The following CAPZB variants were observed in gnomAD, a reference collection of about 807,000 sequenced individuals.
The protein encoded by CAPZB is capping actin protein of muscle Z-line subunit beta.
CAPZB carries 2 observed loss-of-function variants against 38.1 expected under a neutral mutation model. The observed-to-expected ratio is 0.05, with a 90% confidence interval of 0.02 to 0.17. CAPZB has a LOEUF of 0.17. Ranked by LOEUF, CAPZB falls within the 10% of genes least tolerant of loss-of-function variation. CAPZB has a pLI of 1.00. For missense variants in CAPZB, 161 were observed against 334.2 expected (o/e 0.48, Z 4.04); for synonymous variants, 107 against 127.4 (o/e 0.84, Z 1.08).
intron 1 of CAPZB, among the ~76,000 whole-genome samples, chr1:19,453,293 A>G (rs891182808): frequency 6.6e-6 from 1 of 151,864 alleles, no homozygotes; most frequent in Non-Finnish European, 1.5e-5. Context: ...TTGGGGTCTC[A>G]CTTTGTCGCC....
At chr1:19,354,171 T>C (rs2094007518) in intron 6 of CAPZB, among the ~76,000 whole-genome samples, 1 of 152,240 alleles carries the variant, frequency 6.6e-6, no homozygotes, top group African/African-American at 2.4e-5. Context: ...AGTTTGAACT[T>C]CAGTTTCCTC....
chr1:19,382,709 C>A (rs1220571558), intron 3 of CAPZB, among the ~76,000 whole-genome samples: 1 of 152,184 alleles, frequency 6.6e-6, no homozygotes, highest in Non-Finnish European at 1.5e-5. Context: ...TCCCGCAGAG[C>A]CTGGCCTAGC....
chr1:19,466,910 T>G (rs1414047429), intron 1 of CAPZB, among the ~76,000 whole-genome samples: 3 of 152,254 alleles, frequency 2.0e-5, no homozygotes, highest in East Asian at 1.9e-4. Flanking sequence ...AGTTTTTTGT[T>G]TTTGTTTTTG....
chr1:19,401,014 A>G (rs1265778745), intron 2 of CAPZB, among the ~76,000 whole-genome samples: 2 of 152,176 alleles, frequency 1.3e-5, no homozygotes, highest in Non-Finnish European at 2.9e-5. Flanking sequence ...TGGAACCAAA[A>G]TGATACTCCA....
intron 4 of CAPZB, among the ~76,000 whole-genome samples, chr1:19,373,635 C>T (rs1187286911): frequency 2.6e-4 from 40 of 152,060 alleles, no homozygotes; most frequent in Non-Finnish European, 4.4e-5. Flanking sequence ...GTCTCTGGAC[C>T]CTCAAGCCTA....
At chr1:19,415,652 G>A (rs899084020) in intron 2 of CAPZB, among the ~76,000 whole-genome samples, 34 of 152,230 alleles carry the variant, frequency 2.2e-4, no homozygotes, top group Admixed American at 1.0e-3. Flanking sequence ...CGCACGTAGC[G>A]AGGAGTTCAA....
rs180687986 is a variant in CAPZB, at chr1:19,463,340, G to A, written c.3+22096C>T. Among the ~76,000 whole-genome samples the A allele has an allele frequency of 1.1e-4, 16 of 152,194 alleles. No homozygotes were observed. The East Asian group carries it at 1.7e-3, about 17-fold the overall frequency. ...AACTGAGCATTCTTTAACACAGTTC[G>A]GCAACCGCTGGCCAAGCCTCACTTA... On this transcript the variant is annotated intron_variant, in intron 1 of 8. Coordinates refer to ENST00000264202, the MANE Select transcript of CAPZB (RefSeq NM_004930.5).
intron 1 of CAPZB, among the ~76,000 whole-genome samples, chr1:19,466,176 G>A (rs1371429726): frequency 6.6e-6 from 1 of 152,156 alleles, no homozygotes. Flanking sequence ...ACTCAGAGGT[G>A]AATCTGTGCT....
intron 1 of CAPZB, among the ~76,000 whole-genome samples, chr1:19,483,029 C>T (rs200296195): frequency 6.6e-6 from 1 of 152,180 alleles, no homozygotes; most frequent in Non-Finnish European, 1.5e-5. Flanking sequence ...GTGGTTTCTT[C>T]CAACGCCAGG....
chr1:19,354,904 C>G (rs561937462), intron 6 of CAPZB, among the ~76,000 whole-genome samples: 86 of 152,174 alleles, frequency 5.7e-4, no homozygotes, highest in African/African-American at 2.0e-3. Context: ...CTGTTCCTCC[C>G]TAGCCAATGG....
At chr1:19,368,727 G>C (rs1322129635) in intron 4 of CAPZB, among the ~76,000 whole-genome samples, 1 of 150,912 alleles carries the variant, frequency 6.6e-6, no homozygotes, top group Non-Finnish European at 1.5e-5. Flanking sequence ...AAGTGTGGTG[G>C]TGGGACCATA....
At position 19,366,311 on chromosome 1, in the gene CAPZB, A is replaced by ATATATATATATATATATATATATAT. The variant is rs1558189927; in HGVS notation, c.330-8749_330-8748insATATATATATATATATATATATATA. On this transcript the variant is annotated intron_variant, in intron 4 of 8. Transcript: ENST00000264202. ...ATATATATATATATATATATATATA[A>ATATATATATATATATATATATATAT]ATAAAATAAATGGTCATGAGGGACA... Among the ~76,000 whole-genome samples the ATATATATATATATATATATATATAT allele has an allele frequency of 1.0e-3, 65 of 63,150 alleles. 2 individuals are homozygous for ATATATATATATATATATATATATAT. The highest frequency in any genetic ancestry group is 3.4e-3 in the East Asian group (7 of 2,042). 41.4% of individuals were successfully genotyped at this position (63,150 alleles called of 152,430 possible). A position where few individuals can be genotyped will look rare whatever the true frequency, so the allele number is the denominator to read the frequency against.
chr1:19,370,343 C>G (rs763398911), intron 4 of CAPZB, among the ~76,000 whole-genome samples: 3 of 152,208 alleles, frequency 2.0e-5, no homozygotes, highest in African/African-American at 7.2e-5. Context: ...AAGTTGCCCT[C>G]GGGGCCAAGG....
chr1:19,431,522 C>T (rs779204286), intron 1 of CAPZB, among the ~76,000 whole-genome samples: 1 of 151,972 alleles, frequency 6.6e-6, no homozygotes, highest in Non-Finnish European at 1.5e-5. Context: ...CAGATCAAGA[C>T]CATCCTGGCT....
At chr1:19,370,649 G>A (rs899987976) in intron 4 of CAPZB, among the ~76,000 whole-genome samples, 26 of 152,160 alleles carry the variant, frequency 1.7e-4, no homozygotes, top group African/African-American at 4.8e-4. Context: ...CAGTTCAGAC[G>A]TCGGAAGTCA....
At chr1:19,364,522 T>C (rs1043711600) in intron 4 of CAPZB, among the ~76,000 whole-genome samples, 1 of 152,254 alleles carries the variant, frequency 6.6e-6, no homozygotes, top group Non-Finnish European at 1.5e-5. Context: ...TTTCCTTGCA[T>C]AGTCCTTTCA....
chr1:19,412,253 C>CCGCG (rs2094360315), intron 2 of CAPZB, among the ~76,000 whole-genome samples: 1 of 152,170 alleles, frequency 6.6e-6, no homozygotes, highest in Non-Finnish European at 1.5e-5. Flanking sequence ...TCCATCCATT[C>CCGCG]CGCGGCTCCT....
intron 4 of CAPZB, among the ~76,000 whole-genome samples, chr1:19,368,208 A>G (rs1167450233): frequency 6.6e-6 from 1 of 152,144 alleles, no homozygotes; most frequent in Non-Finnish European, 1.5e-5. Flanking sequence ...CAGTGCCCAT[A>G]TTCTGCCCCA....
chr1:19,421,275 C>T (rs1265128212), intron 1 of CAPZB, among the ~76,000 whole-genome samples: 2 of 152,150 alleles, frequency 1.3e-5, no homozygotes, highest in Non-Finnish European at 2.9e-5. Context: ...ACAAGTAGGC[C>T]GTGGGGCAAG....
Sources: gnomAD v4.1 joint callset for allele counts (sites outside exome capture counted in the v4.1 genomes callset) on GRCh38, gnomAD v4.1.1 for gene constraint, MANE v1.5 for transcripts, NCBI Gene and HGNC (gene_info 2026-07-23, HGNC 2026-07-21) for gene names.